Variants in ATRN observed in about 807,000 individuals in gnomAD.
The protein encoded by ATRN is attractin-2.
A neutral mutation model predicts 178.7 loss-of-function variants in ATRN; 54 were observed. The observed-to-expected ratio is 0.30, with a 90% CI of 0.24 to 0.38. The LOEUF is 0.38. Ranked by LOEUF, ATRN falls within the 10% of genes least tolerant of loss-of-function variation. ATRN has a pLI of 1.00. For synonymous variants in ATRN, 636 were observed against 663.0 expected (o/e 0.96, Z 0.63); for missense variants, 1,443 against 1,815.1 (o/e 0.79, Z 3.73).
At chr20:3,505,242 C>T (rs533357049) in intron 1 of ATRN, among the ~76,000 whole-genome samples, 24 of 152,326 alleles carry the variant, frequency 1.6e-4, no homozygotes, top group South Asian at 1.5e-3. Flanking sequence ...GGAGCTGTGA[C>T]ACCTGTCTTC....
chr20:3,506,978 T>C (rs918228448), intron 1 of ATRN, among the ~76,000 whole-genome samples: 2 of 151,486 alleles, frequency 1.3e-5, no homozygotes, highest in Admixed American at 1.3e-4. Flanking sequence ...AATACCTGTA[T>C]AGAAGCACAG....
At chr20:3,512,119 T>A (rs1280209376) in intron 1 of ATRN, among the ~76,000 whole-genome samples, 83 of 132,340 alleles carry the variant, frequency 6.3e-4, no homozygotes, top group Admixed American at 1.6e-3. Flanking sequence ...TTTTTTTTTT[T>A]ATTATACTTT....
chr20:3,487,670 G>T (rs181705324), intron 1 of ATRN, among the ~76,000 whole-genome samples: 2 of 152,266 alleles, frequency 1.3e-5, no homozygotes, highest in African/African-American at 4.8e-5. Context: ...GAGAGAGTTT[G>T]TGATTACTTC....
chr20:3,538,515 A>G (rs866210571), intron 2 of ATRN, among the ~76,000 whole-genome samples: 5 of 152,264 alleles, frequency 3.3e-5, no homozygotes, highest in East Asian at 1.9e-4. Context: ...GCTGTGTCCT[A>G]TCAGTTCATT....
chr20:3,535,574 A>C (rs1205871875), intron 2 of ATRN, among the ~76,000 whole-genome samples: 1 of 149,466 alleles, frequency 6.7e-6, no homozygotes, highest in African/African-American at 2.5e-5. Context: ...CAACTGTAAT[A>C]GTTCAGAAAC....
intron 1 of ATRN, among the ~76,000 whole-genome samples, chr20:3,522,625 C>T (rs2085311025): frequency 6.6e-6 from 1 of 152,234 alleles, no homozygotes; most frequent in Non-Finnish European, 1.5e-5. Context: ...GACTAGGAGA[C>T]ACCTCCCATC....
At chr20:3,644,300 T>C (rs1342291684) in intron 28 of ATRN, 32 bp downstream of exon 28, 1 of 1,533,570 alleles carries the variant, frequency 6.5e-7, no homozygotes, top group African/African-American at 1.4e-5. Context: ...AAAGACACCT[T>C]CTAAGCATGT....
intron 1 of ATRN, chr20:3,490,227 A>G (rs2084768228): frequency 6.6e-7 from 1 of 1,518,420 alleles, no homozygotes; most frequent in Non-Finnish European, 9.1e-7. Context: ...AAGAGAGCAG[A>G]TTTCAATCTG....
chr20:3,549,233 A>G lies in ATRN; in HGVS notation c.1007A>G (p.Asn336Ser). The G allele has an allele frequency of 6.2e-7, 1 of 1,611,252 alleles. No individual in the cohort carries two copies. Among genetic ancestry groups the G allele is most frequent in the Non-Finnish European group, 8.5e-7 (1 of 1,178,950 alleles). ...QSFWTREEYS[N>S]LKLPRASHKA... is the part of the protein sequence containing the mutation. The stretch of plus-strand genomic sequence containing the variant: ...TTTTGGACTCGAGAGGAATATTCTA[A>G]CTTAAAGCTCCCCAGAGCATCTCAT... Residue 336 changes from asparagine to serine, a missense_variant, in exon 6 of 29, where the codon AAC becomes AGC. By Grantham distance (46) the Asn-to-Ser change is conservative (BLOSUM62 1). Coordinates refer to ENST00000262919, the MANE Select transcript of ATRN (RefSeq NM_139321.3).
intron 26 of ATRN, among the ~76,000 whole-genome samples, chr20:3,635,927 T>A (rs2087021872): frequency 3.3e-5 from 5 of 152,230 alleles, no homozygotes; most frequent in Non-Finnish European, 7.3e-5. Flanking sequence ...AATTATATTT[T>A]CAATTTAATT....
At chr20:3,471,729 G>T (rs552931965) in intron 1 of ATRN, among the ~76,000 whole-genome samples, 1 of 152,350 alleles carries the variant, frequency 6.6e-6, no homozygotes, top group East Asian at 1.9e-4. Flanking sequence ...GTGGGGCAAG[G>T]GTGGGGGCAC....
Position 3,478,692 on chromosome 20 carries a change from A to G in ATRN, c.410+7175A>G, listed in dbSNP as rs190918889. Among the ~76,000 whole-genome samples, 6 of 152,304 alleles carry G rather than the reference A, an allele frequency of 3.9e-5. No homozygotes were observed. In the East Asian group the frequency reaches 9.6e-4, roughly 24 times the overall value. On this transcript the variant is annotated intron_variant, in intron 1 of 28. Coordinates refer to ENST00000262919, the MANE Select transcript of ATRN (RefSeq NM_139321.3). ...CAGAACTTAAAGTGTAATAAAAAAC[A>G]AAAACATGTGTCTCTTATTTTGCTT...
chr20:3,644,054 C>T lies in ATRN; in HGVS notation c.4051-100C>T, dbSNP rs1266229962. 12 of 860,340 alleles carry T rather than the reference C, an allele frequency of 1.4e-5. No homozygotes were observed. The Admixed American group carries it at 2.0e-4, about 14-fold the overall frequency. The allele number at this position is 860,340 out of a possible 1,614,324, so 53.3% of individuals were successfully genotyped here. ...AACTGCAATGTACCTTTTTTATATA[C>T]CTGAAATTGATGGTTCTTATAAGCA... On this transcript the variant is annotated intron_variant, in intron 27 of 28. Transcript: ENST00000262919.
intron 24 of ATRN, among the ~76,000 whole-genome samples, chr20:3,620,506 A>T: frequency 8.4e-6 from 1 of 119,066 alleles, no homozygotes; most frequent in Non-Finnish European, 1.7e-5. Context: ...TCAGCCTCCC[A>T]AAGTACTGGG....
intron 1 of ATRN, among the ~76,000 whole-genome samples, chr20:3,473,599 A>G (rs1265556364): frequency 6.6e-6 from 1 of 152,230 alleles, no homozygotes; most frequent in Non-Finnish European, 1.5e-5. Context: ...GAGCCAGAAT[A>G]CAAATGGCCT....
chr20:3,573,428 T>C (rs531342814), intron 12 of ATRN, among the ~76,000 whole-genome samples: 35 of 152,348 alleles, frequency 2.3e-4, no homozygotes, highest in African/African-American at 8.2e-4. Context: ...CTGGCTACCA[T>C]ATTGGATGCA....
chr20:3,495,089 A>G (rs1241377464), intron 1 of ATRN, among the ~76,000 whole-genome samples: 2 of 152,190 alleles, frequency 1.3e-5, no homozygotes, highest in Non-Finnish European at 2.9e-5. Context: ...ATTAGGACAA[A>G]TGCTTAATAT....
intron 1 of ATRN, among the ~76,000 whole-genome samples, chr20:3,507,482 A>G (rs905440386): frequency 2.0e-5 from 3 of 152,078 alleles, no homozygotes; most frequent in Non-Finnish European, 4.4e-5. Flanking sequence ...AAGAGTTTGA[A>G]TGATGTGGGA....
Position 3,563,360 on chromosome 20 carries a change from A to T in ATRN, c.1783A>T (p.Ile595Phe). The part of the protein sequence containing the change: ...CFSSDFMAYD[I>F]ACDRWSVLPR... ...CTCTTCAGATTTCATGGCCTATGAC[A>T]TTGGTAAGTTTCCCAAAACCATTTT... The change falls in exon 10 of 29, where the codon ATT becomes TTT. Residue 595 changes from isoleucine (I) to phenylalanine (F), a missense_variant. This residue lies in a region of ATRN where 862 missense variants were observed against 972.1 expected (regional missense o/e 0.89). Transcript: ENST00000262919. 4 of 1,611,956 alleles carry T rather than the reference A, an allele frequency of 2.5e-6. No individual in the cohort carries two copies. Among genetic ancestry groups the T allele is most frequent in the Non-Finnish European group, 3.4e-6 (4 of 1,178,582 alleles).
Sources: gnomAD v4.1 joint callset for allele counts (sites outside exome capture counted in the v4.1 genomes callset) on GRCh38, gnomAD v4.1.1 for gene constraint, gnomAD v4.1.1 regional missense constraint, MANE v1.5 for transcripts, NCBI Gene and HGNC (gene_info 2026-07-23, HGNC 2026-07-21) for gene names.